The following FCHSD2 variants were observed in gnomAD, a reference collection of about 807,000 sequenced individuals.
The protein encoded by FCHSD2 is FCH and double SH3 domains 2.
Under a neutral mutation model 108.1 loss-of-function variants are expected in FCHSD2, and 38 were observed. The ratio of observed to expected loss-of-function variants is 0.35; its 90% CI spans 0.27 to 0.46. The LOEUF (loss-of-function observed/expected upper bound fraction) is 0.46. Ranked by LOEUF, FCHSD2 falls within the 20% of genes least tolerant of loss-of-function variation. FCHSD2 has a pLI of 1.00. For synonymous variants in FCHSD2, 279 were observed against 314.7 expected (o/e 0.89, Z 1.20); for missense variants, 751 against 897.8 (o/e 0.84, Z 2.09).
intron 2 of FCHSD2, among the ~76,000 whole-genome samples, chr11:73,121,513 A>G (rs1258759866): frequency 5.3e-5 from 8 of 152,120 alleles, no homozygotes; most frequent in Admixed American, 5.2e-4. Flanking sequence ...AAGTTCCCTC[A>G]CCTATACAAA....
Position 72,841,589 on chromosome 11 carries a change from G to A in FCHSD2, c.1927-6C>T. ...GGCTTGGGGGAAGGAGAGATCTGCAGCAAAGGGAAGCGAGGTTACCCGGTG... is the reference window on the plus strand; with the variant it reads ...GGCTTGGGGGAAGGAGAGATCTGCAACAAAGGGAAGCGAGGTTACCCGGTG... On this transcript the variant is annotated splice_polypyrimidine_tract_variant and splice_region_variant and intron_variant, in intron 17 of 19. Coordinates refer to ENST00000409418, the MANE Select transcript of FCHSD2 (RefSeq NM_014824.3). 1 of 1,596,274 alleles carries A rather than the reference G, an allele frequency of 6.3e-7. No individual in the cohort carries two copies. Among genetic ancestry groups the A allele is most frequent in the Non-Finnish European group, 8.5e-7 (1 of 1,172,448 alleles).
chr11:73,061,694 C>T (rs1472493849), intron 3 of FCHSD2, among the ~76,000 whole-genome samples: 2 of 152,198 alleles, frequency 1.3e-5, no homozygotes, highest in Admixed American at 1.3e-4. Flanking sequence ...AACAAAGCCT[C>T]TGGGAAGTTC....
intron 5 of FCHSD2, among the ~76,000 whole-genome samples, chr11:72,998,443 G>C (rs900591757): frequency 6.6e-6 from 1 of 152,136 alleles, no homozygotes; most frequent in East Asian, 1.9e-4. Flanking sequence ...TCAGGAGACT[G>C]GGGTGGGAGG....
chr11:72,946,001 A>T (rs1856511757), intron 8 of FCHSD2, among the ~76,000 whole-genome samples: 1 of 152,172 alleles, frequency 6.6e-6, no homozygotes, highest in Non-Finnish European at 1.5e-5. Flanking sequence ...TTCCTCAGGG[A>T]TCTAGAACTA....
Position 72,935,879 on chromosome 11 carries a change from A to G in FCHSD2, c.706-13929T>C, listed in dbSNP as rs114243110. Among the ~76,000 whole-genome samples the G allele has an allele frequency of 7.8e-3, 1,192 of 152,222 alleles. 14 individuals carry two copies. The highest frequency in any genetic ancestry group is 0.027 in the African/African-American group (1,114 of 41,570). ...AGGAAAATTTCAATGCTGTTTTTCT[A>G]TAAAGCTTGTGTTATCCTCTTGCAT... is the stretch of plus-strand genomic sequence containing the variant. On this transcript the variant is annotated intron_variant, in intron 8 of 19. Transcript: ENST00000409418.
intron 2 of FCHSD2, among the ~76,000 whole-genome samples, chr11:73,128,677 C>T (rs1860917468): frequency 6.6e-6 from 1 of 152,120 alleles, no homozygotes; most frequent in Non-Finnish European, 1.5e-5. Flanking sequence ...AAATATAGTA[C>T]TTGGAGTTGC....
At chr11:73,032,399 A>T (rs992679104) in intron 3 of FCHSD2, among the ~76,000 whole-genome samples, 1 of 151,884 alleles carries the variant, frequency 6.6e-6, no homozygotes, top group Non-Finnish European at 1.5e-5. Context: ...AATTTTTTTA[A>T]TTTTTTTATA....
chr11:72,879,214 T>C (rs1855030523), intron 12 of FCHSD2, among the ~76,000 whole-genome samples: 1 of 152,212 alleles, frequency 6.6e-6, no homozygotes, highest in Non-Finnish European at 1.5e-5. Context: ...ATAGGGCTAA[T>C]TTCTAATTTA....
At chr11:72,979,493 G>GA (rs139904240) in intron 8 of FCHSD2, among the ~76,000 whole-genome samples, 6,875 of 151,922 alleles carry the variant, frequency 0.045, 415 homozygotes, top group African/African-American at 0.14. Flanking sequence ...TCTAAAAAAA[G>GA]AAAAAACAAA....
At chr11:73,057,880 CTTTT>C (rs775650024) in intron 3 of FCHSD2, among the ~76,000 whole-genome samples, 1 of 137,152 alleles carries the variant, frequency 7.3e-6, no homozygotes, top group Non-Finnish European at 1.6e-5. Flanking sequence ...ATTCGGTATT[CTTTT>C]TTTTTTTTTT....
chr11:72,944,249 T>G (rs893922526), intron 8 of FCHSD2, among the ~76,000 whole-genome samples: 41 of 152,076 alleles, frequency 2.7e-4, no homozygotes, highest in East Asian at 7.7e-4. Flanking sequence ...TTCAACATAC[T>G]CAAATCAATA....
intron 3 of FCHSD2, among the ~76,000 whole-genome samples, chr11:73,082,335 CAAAAA>C (rs750423401): frequency 3.5e-3 from 121 of 34,454 alleles, no homozygotes; most frequent in African/African-American, 0.013. Flanking sequence ...AGACTTGTCC[CAAAAA>C]AAAAAAAAAA....
intron 3 of FCHSD2, among the ~76,000 whole-genome samples, chr11:73,047,231 A>C (rs72982892): frequency 2.5e-3 from 378 of 152,228 alleles, no homozygotes; most frequent in Middle Eastern, 6.8e-3. Flanking sequence ...AATTGTTAAA[A>C]CTACCATTTT....
At chr11:72,958,553 A>G (rs996260399) in intron 8 of FCHSD2, among the ~76,000 whole-genome samples, 3 of 152,174 alleles carry the variant, frequency 2.0e-5, no homozygotes, top group African/African-American at 7.2e-5. Context: ...AACAAAAAAC[A>G]GTTGTTGGAT....
chr11:73,139,232 A>AC (rs1487850521), intron 2 of FCHSD2, among the ~76,000 whole-genome samples: 1 of 152,242 alleles, frequency 6.6e-6, no homozygotes, highest in Admixed American at 6.5e-5. Context: ...AAGTTAGTGT[A>AC]CCACCAGAAA....
At chr11:72,935,040 C>T (rs1424934110) in intron 8 of FCHSD2, among the ~76,000 whole-genome samples, 2 of 152,028 alleles carry the variant, frequency 1.3e-5, no homozygotes, top group African/African-American at 2.4e-5. Context: ...CTACTTGATC[C>T]TTAAAATCAG....
intron 9 of FCHSD2, among the ~76,000 whole-genome samples, chr11:72,906,237 G>A (rs1418166770): frequency 3.9e-5 from 6 of 152,184 alleles, no homozygotes; most frequent in Non-Finnish European, 7.4e-5. Flanking sequence ...CTTTTGAGAA[G>A]TGTCTGTTCA....
intron 3 of FCHSD2, among the ~76,000 whole-genome samples, chr11:73,060,955 G>A (rs2135487604): frequency 1.3e-5 from 2 of 152,322 alleles, no homozygotes; most frequent in East Asian, 3.9e-4. Context: ...ACAGCTGCCA[G>A]GAACAAGAAC....
At chr11:73,141,726 A>C (rs977969377) in intron 1 of FCHSD2, 131 bp downstream of exon 1, 2 of 964,232 alleles carry the variant, frequency 2.1e-6, no homozygotes, top group Non-Finnish European at 3.0e-6. Context: ...GCCGGCGGCA[A>C]GTCGGTGACA....
Sources: gnomAD v4.1 joint callset for allele counts (sites outside exome capture counted in the v4.1 genomes callset) on GRCh38, gnomAD v4.1.1 for gene constraint, MANE v1.5 for transcripts, NCBI Gene and HGNC (gene_info 2026-07-23, HGNC 2026-07-21) for gene names.